Variants in SLC7A11 observed in about 807,000 individuals in gnomAD.
SLC7A11 encodes the protein cystine/glutamate transporter.
SLC7A11 carries 35 observed loss-of-function variants against 54.5 expected under a neutral mutation model. The ratio of observed to expected loss-of-function variants is 0.64; its 90% CI spans 0.49 to 0.85. The LOEUF is 0.85. Ranked by LOEUF, SLC7A11 falls within the 40% of genes least tolerant of loss-of-function variation. SLC7A11 has a pLI of 0.00. For synonymous variants in SLC7A11, 230 were observed against 225.2 expected (o/e 1.02, Z -0.19); for missense variants, 583 against 618.1 (o/e 0.94, Z 0.60).
chr4:138,173,457 A>G (rs1736487946), intron 11 of SLC7A11, among the ~76,000 whole-genome samples: 1 of 151,926 alleles, frequency 6.6e-6, no homozygotes, highest in South Asian at 2.1e-4. Context: ...TAACATGGAG[A>G]AACCCCATCT....
At chr4:138,197,645 ACTATACAGATT>A (rs1434273821) in intron 6 of SLC7A11, among the ~76,000 whole-genome samples, 4 of 152,052 alleles carry the variant, frequency 2.6e-5, no homozygotes, top group Admixed American at 2.0e-4. Flanking sequence ...ATTTAAAAGC[ACTATACAGATT>A]CTCTTCATCC....
chr4:138,170,748 G>A lies in SLC7A11; in HGVS notation c.*1208C>T, dbSNP rs1011666221. 1 of 152,104 alleles carries A rather than the reference G, an allele frequency of 6.6e-6. No individual in the cohort carries two copies. Among genetic ancestry groups the A allele is most frequent in the Non-Finnish European group, 1.5e-5 (1 of 68,022 alleles). 9.4% of individuals were successfully genotyped at this position (152,104 alleles called of 1,614,324 possible). ...TGATAATTAAGGTGTGGAAATTACTGACAAAGCCTAGATATAGAAGTGGAA... is the reference window on the plus strand; with the variant it reads ...TGATAATTAAGGTGTGGAAATTACTAACAAAGCCTAGATATAGAAGTGGAA... On this transcript the variant is annotated 3_prime_UTR_variant, in exon 12 of 12. Transcript: ENST00000280612.
rs771381126 is a variant in SLC7A11, at chr4:138,180,720, C to A, written c.1187G>T (p.Arg396Met). ...DSLLNFLSFA[R>M]WLFIGLAVAG... The stretch of plus-strand genomic sequence containing the variant: ...AACTGCCAGCCCAATAAAAAGCCAC[C>A]TGGCAAAACTGAGGAAATTCAAAAG... Residue 396 changes from arginine to methionine, a missense_variant, in exon 10 of 12, where the codon AGG (arginine) becomes ATG (methionine). By Grantham distance (91) the Arg-to-Met change is moderately conservative (BLOSUM62 -1). Coordinates refer to ENST00000280612, the MANE Select transcript of SLC7A11 (RefSeq NM_014331.4). 6.2e-7 allele frequency: 1 copy of A among 1,612,930 alleles called. No homozygotes were observed. The highest frequency in any genetic ancestry group is 1.1e-5 in the South Asian group (1 of 91,044).
chr4:138,167,859 A>G lies in SLC7A11; in HGVS notation c.*4097T>C, dbSNP rs1182981738. The G allele has an allele frequency of 2.0e-5, 3 of 152,114 alleles. No homozygotes were observed. Among genetic ancestry groups the G allele is most frequent in the Non-Finnish European group, 1.5e-5 (1 of 68,012 alleles). 9.4% of individuals were successfully genotyped at this position (152,114 alleles called of 1,614,324 possible). ...GGGCATTCAAATCCCACATCTCTCT[A>G]TATTTCTTTCCCAACTAAGAGCTAT... is the stretch of plus-strand genomic sequence containing the variant. On this transcript the variant is annotated 3_prime_UTR_variant, in exon 12 of 12. Transcript: ENST00000280612.
intron 11 of SLC7A11, chr4:138,175,543 GTAAA>G (rs1413400687): frequency 1.3e-5 from 2 of 151,894 alleles, no homozygotes; most frequent in African/African-American, 4.8e-5. Context: ...GTTTCTATAA[GTAAA>G]TAAATAATAT....
At chr4:138,240,118 T>C (rs1384591039) in intron 1 of SLC7A11, among the ~76,000 whole-genome samples, 1 of 152,160 alleles carries the variant, frequency 6.6e-6, no homozygotes, top group Non-Finnish European at 1.5e-5. Flanking sequence ...TACTGGGAAA[T>C]AATGATACAC....
At chr4:138,205,569 C>T (rs941666245) in intron 6 of SLC7A11, among the ~76,000 whole-genome samples, 5 of 152,042 alleles carry the variant, frequency 3.3e-5, no homozygotes, top group Admixed American at 2.6e-4. Flanking sequence ...AACAACATTG[C>T]ATCTGCATGA....
In SLC7A11 at chr4:138,236,413, T is replaced by C; in HGVS notation, c.316A>G (p.Lys106Glu). The C allele has an allele frequency of 1.2e-6, 2 of 1,612,488 alleles. No homozygotes were observed. Among genetic ancestry groups the C allele is most frequent in the Non-Finnish European group, 1.7e-6 (2 of 1,179,308 alleles). The change falls in exon 2 of 12, where the codon AAA becomes GAA. Residue 106 changes from lysine to glutamate, a missense_variant. Lys to Glu is a moderately conservative substitution (Grantham distance 56). Transcript: ENST00000280612. The stretch of plus-strand genomic sequence containing the variant: ...ATATATGTGTAATGACCTCCAGATT[T>C]CTTTATAGTTGTTCCCAATTCAGCA... ...SYAELGTTIKKSGGHYTYILE... is the reference protein window; with the variant it reads ...SYAELGTTIKESGGHYTYILE...
intron 6 of SLC7A11, among the ~76,000 whole-genome samples, chr4:138,188,733 A>G (rs72712329): frequency 4.7e-4 from 71 of 152,326 alleles, no homozygotes; most frequent in Admixed American, 1.0e-3. Context: ...TAGAGGAAGG[A>G]ACCAGTAGGC....
chr4:138,214,424 T>C (rs1737630250), intron 6 of SLC7A11, among the ~76,000 whole-genome samples, 161 bp downstream of exon 6: 1 of 151,150 alleles, frequency 6.6e-6, no homozygotes, highest in South Asian at 2.1e-4. Context: ...TAATTTATGA[T>C]AAAGTCAAAT....
intron 6 of SLC7A11, 58 bp downstream of exon 6, chr4:138,214,527 C>G: frequency 1.0e-6 from 1 of 996,230 alleles, no homozygotes; most frequent in East Asian, 2.7e-5. Flanking sequence ...GCTTTTTAAA[C>G]TATGTAATCT....
intron 6 of SLC7A11, among the ~76,000 whole-genome samples, chr4:138,193,793 T>G (rs1737068225): frequency 6.6e-6 from 1 of 152,082 alleles, no homozygotes; most frequent in Non-Finnish European, 1.5e-5. Flanking sequence ...GAGTGAGACT[T>G]CATCTTAAAT....
chr4:138,189,910 G>C (rs1047277357), intron 6 of SLC7A11, among the ~76,000 whole-genome samples: 2 of 152,128 alleles, frequency 1.3e-5, no homozygotes, highest in African/African-American at 4.8e-5. Flanking sequence ...CTGACATTCA[G>C]CCCACATGAG....
chr4:138,220,523 T>G (rs532217310), intron 4 of SLC7A11, among the ~76,000 whole-genome samples: 2 of 152,308 alleles, frequency 1.3e-5, no homozygotes, highest in Admixed American at 1.3e-4. Flanking sequence ...TTCAACAAAT[T>G]TTGCAGCAGC....
rs1736310209 is a variant in SLC7A11 at position 138,167,957 on chromosome 4, T to TC, written c.*3998dup. 6.6e-6 allele frequency: 1 copy of TC among 152,208 alleles called. No homozygotes were observed. Among genetic ancestry groups the TC allele is most frequent in the African/African-American group, 2.4e-5 (1 of 41,460 alleles). 9.4% of individuals were successfully genotyped at this position (152,208 alleles called of 1,614,324 possible). Reference sequence around the variant, plus strand: ...AAAATATGATGAAAGTGAAACTATCTCCCTATATATCACATCATATATATT... The same window carrying TC: ...AAAATATGATGAAAGTGAAACTATCTCCCCTATATATCACATCATATATATT... On this transcript the variant is annotated 3_prime_UTR_variant, in exon 12 of 12. Transcript: ENST00000280612.
At chr4:138,181,377 G>A (rs532672140) in intron 9 of SLC7A11, among the ~76,000 whole-genome samples, 1 of 152,086 alleles carries the variant, frequency 6.6e-6, no homozygotes, top group South Asian at 2.1e-4. Flanking sequence ...GGAGAAGAAT[G>A]AAGCGCAGAG....
In SLC7A11 at chr4:138,186,924, G is replaced by GAGAGGAAAAGAAGA. The variant is rs549277367; in HGVS notation, c.792-1694_792-1681dup. 4.3e-4 allele frequency among the ~76,000 whole-genome samples: 65 copies of GAGAGGAAAAGAAGA among 152,218 alleles called. No homozygotes were observed. The South Asian group carries it at 0.012, about 29-fold the overall frequency. ...ATTCTTTCTATGGAGGAGAGAGGAA[G>GAGAGGAAAAGAAGA]AGAGGAAAAGAAGAAGAGAAAAAGA... On this transcript the variant is annotated intron_variant, in intron 6 of 11. Coordinates refer to ENST00000280612, the MANE Select transcript of SLC7A11 (RefSeq NM_014331.4).
chr4:138,239,382 C>A (rs1738323391), intron 1 of SLC7A11, among the ~76,000 whole-genome samples: 1 of 151,938 alleles, frequency 6.6e-6, no homozygotes, highest in South Asian at 2.1e-4. Context: ...TGTATTGACC[C>A]TTCACTTAAA....
intron 1 of SLC7A11, 140 bp from the exon 2 acceptor site, chr4:138,236,591 A>T: frequency 1.3e-6 from 1 of 747,560 alleles, no homozygotes; most frequent in South Asian, 2.0e-5. Context: ...TACTCAAGAC[A>T]AATAACCATC....
Sources: allele counts gnomAD v4.1 joint callset (sites outside exome capture counted in the v4.1 genomes callset), GRCh38; gene constraint gnomAD v4.1.1; transcripts MANE v1.5; gene names NCBI Gene and HGNC (gene_info 2026-07-23, HGNC 2026-07-21).